BTG3: variants seen among roughly 807,000 people sequenced by gnomAD.
BTG3 encodes the protein BTG anti-proliferation factor 3.
In BTG3, 4 loss-of-function variants were observed where a neutral mutation model predicts 25.8. The ratio of observed to expected loss-of-function variants is 0.16; its 90% CI spans 0.08 to 0.36. The LOEUF (loss-of-function observed/expected upper bound fraction) is 0.36, where lower values mean the gene tolerates loss of function less well. BTG3 is among the 10% of genes least tolerant of loss of function. The pLI is 1.00. For synonymous variants in BTG3, 107 were observed against 99.9 expected (o/e 1.07, Z -0.42); for missense variants, 201 against 304.9 (o/e 0.66, Z 2.54).
At chr21:17,610,063 A>C (rs1045642255) in intron 1 of BTG3, among the ~76,000 whole-genome samples, 1 of 152,254 alleles carries the variant, frequency 6.6e-6, no homozygotes, top group Non-Finnish European at 1.5e-5. Context: ...TAAGGGAAAG[A>C]AGCCAGTCAC....
At chr21:17,608,493 T>A (rs1318304615) in intron 2 of BTG3, among the ~76,000 whole-genome samples, 1 of 152,074 alleles carries the variant, frequency 6.6e-6, no homozygotes, top group Non-Finnish European at 1.5e-5. Flanking sequence ...AATATATAAA[T>A]GAGATTATTC....
intron 4 of BTG3, among the ~76,000 whole-genome samples, chr21:17,594,961 G>A (rs2061485895): frequency 1.3e-5 from 2 of 151,100 alleles, no homozygotes; most frequent in Non-Finnish European, 3.0e-5. Flanking sequence ...GTTTACCTAT[G>A]GAACAAACCT....
intron 1 of BTG3, among the ~76,000 whole-genome samples, chr21:17,609,507 C>CGA (rs1375553616): frequency 6.6e-6 from 1 of 152,136 alleles, no homozygotes; most frequent in East Asian, 1.9e-4. Context: ...CTGCAATAAT[C>CGA]TAAGTTTAAA....
intron 4 of BTG3, 39 bp downstream of exon 4, chr21:17,598,578 C>G (rs2061533206): frequency 6.4e-7 from 1 of 1,569,624 alleles, no homozygotes; most frequent in African/African-American, 1.4e-5. Context: ...CTGGCAATCC[C>G]TGCACATCCC....
chr21:17,595,277 C>CA (rs2061489891), intron 4 of BTG3, among the ~76,000 whole-genome samples: 2 of 152,138 alleles, frequency 1.3e-5, no homozygotes, highest in Admixed American at 1.3e-4. Flanking sequence ...TTGCTGATCT[C>CA]AAATCTGCAT....
chr21:17,596,127 G>C (rs1235630264), intron 4 of BTG3, among the ~76,000 whole-genome samples: 1 of 151,684 alleles, frequency 6.6e-6, no homozygotes, highest in Non-Finnish European at 1.5e-5. Context: ...ATTTTTCATT[G>C]AATCATTTAC....
chr21:17,601,640 T>C (rs2061575654), intron 3 of BTG3, among the ~76,000 whole-genome samples: 1 of 152,182 alleles, frequency 6.6e-6, no homozygotes, highest in Admixed American at 6.5e-5. Flanking sequence ...CAATACACAT[T>C]TACTCCATGT....
At chr21:17,600,752 C>G (rs77193364) in intron 3 of BTG3, among the ~76,000 whole-genome samples, 3,209 of 152,280 alleles carry the variant, frequency 0.021, 105 homozygotes, top group African/African-American at 0.071. Context: ...TAGATGAGTT[C>G]TATTTCTTCA....
intron 4 of BTG3, 80 bp from the exon 5 acceptor site, chr21:17,594,412 CAA>C: frequency 1.0e-6 from 1 of 989,472 alleles, no homozygotes; most frequent in South Asian, 1.6e-5. Flanking sequence ...TAAAGACAAA[CAA>C]AGTTACCCAC....
intron 4 of BTG3, among the ~76,000 whole-genome samples, chr21:17,597,618 G>A (rs955179795): frequency 6.6e-5 from 10 of 151,688 alleles, no homozygotes; most frequent in African/African-American, 2.4e-4. Flanking sequence ...ATAAAGCCAG[G>A]TACATGTTAT....
intron 2 of BTG3, among the ~76,000 whole-genome samples, chr21:17,607,663 A>G (rs2061661972): frequency 6.6e-6 from 1 of 152,030 alleles, no homozygotes. Flanking sequence ...GGCAGAAAGG[A>G]AGTCCTTCTG....
chr21:17,599,863 C>T (rs945195227), intron 3 of BTG3, among the ~76,000 whole-genome samples: 15 of 152,044 alleles, frequency 9.9e-5, no homozygotes, highest in Non-Finnish European at 1.9e-4. Context: ...TTGACTTTAA[C>T]CCCAATTAAA....
At chr21:17,605,093 G>A in intron 2 of BTG3, 96 bp from the exon 3 acceptor site, 3 of 1,356,286 alleles carry the variant, frequency 2.2e-6, no homozygotes, top group Admixed American at 2.3e-5. Flanking sequence ...TAATAAAATA[G>A]TAATAAAAAA....
chr21:17,606,438 T>C (rs1414778483), intron 2 of BTG3, among the ~76,000 whole-genome samples: 2 of 152,180 alleles, frequency 1.3e-5, no homozygotes, highest in East Asian at 1.9e-4. Context: ...AAATACTGCT[T>C]AGTCCTTTTA....
intron 4 of BTG3, 60 bp downstream of exon 4, chr21:17,598,557 C>T: frequency 7.0e-7 from 1 of 1,438,418 alleles, no homozygotes; most frequent in Non-Finnish European, 9.6e-7. Flanking sequence ...AGTAGGACTA[C>T]CTGAAAGGTC....
At position 17,612,815 on chromosome 21, in the gene BTG3, C is replaced by G. The variant is rs2061754009; in HGVS notation, c.-125G>C. ...GCTGGGCAACAGGGAGCGCAGCGAG[C>G]CTCGTCCGGCGCGTGCGGCTCCCGC... On this transcript the variant is annotated 5_prime_UTR_variant, in exon 1 of 5. Transcript: ENST00000348354. 6.6e-6 allele frequency: 1 copy of G among 152,200 alleles called. No homozygotes were observed. Among genetic ancestry groups the G allele is most frequent in the African/African-American group, 2.4e-5 (1 of 41,450 alleles). 9.4% of individuals were successfully genotyped at this position (152,200 alleles called of 1,614,324 possible).
chr21:17,603,859 T>G (rs1377727149), intron 3 of BTG3, among the ~76,000 whole-genome samples: 1 of 152,230 alleles, frequency 6.6e-6, no homozygotes, highest in African/African-American at 2.4e-5. Flanking sequence ...TTGTGCAACC[T>G]ACCACTGCAT....
chr21:17,597,365 A>C (rs2061517288), intron 4 of BTG3, among the ~76,000 whole-genome samples: 1 of 152,062 alleles, frequency 6.6e-6, no homozygotes, highest in Non-Finnish European at 1.5e-5. Context: ...CCTAATTTGC[A>C]ATATATAATC....
At chr21:17,608,773 T>A (rs1342787541) in intron 2 of BTG3, 199 bp downstream of exon 2, 6 of 488,086 alleles carry the variant, frequency 1.2e-5, no homozygotes, top group African/African-American at 2.0e-5. Flanking sequence ...GCCTCCTGTG[T>A]CCAGGCAGTG....
Sources: gnomAD v4.1 joint callset for allele counts (sites outside exome capture counted in the v4.1 genomes callset) on GRCh38, gnomAD v4.1.1 for gene constraint, MANE v1.5 for transcripts, NCBI Gene and HGNC (gene_info 2026-07-23, HGNC 2026-07-21) for gene names.